Variants in ADGRL3 observed in about 807,000 individuals in gnomAD.
The protein encoded by ADGRL3 is calcium-independent alpha-latrotoxin receptor 3.
A neutral mutation model predicts 153.5 loss-of-function variants in ADGRL3; 62 were observed. The ratio of observed to expected loss-of-function variants is 0.40; its 90% CI spans 0.33 to 0.50. The LOEUF is 0.50. Ranked by LOEUF, ADGRL3 falls within the 20% of genes least tolerant of loss-of-function variation. ADGRL3 has a pLI of 0.47. For missense variants in ADGRL3, 1,641 were observed against 1,859.4 expected (o/e 0.88, Z 2.16); for synonymous variants, 710 against 672.5 (o/e 1.06, Z -0.86).
At chr4:61,351,762 A>T (rs2096056454) in intron 1 of ADGRL3, among the ~76,000 whole-genome samples, 1 of 152,122 alleles carries the variant, frequency 6.6e-6, no homozygotes, top group Non-Finnish European at 1.5e-5. Flanking sequence ...AAAGAAAAAG[A>T]AAAAGAAAAA....
intron 1 of ADGRL3, among the ~76,000 whole-genome samples, chr4:61,327,061 G>T (rs1363908728): frequency 1.3e-5 from 2 of 151,874 alleles, no homozygotes; most frequent in African/African-American, 4.8e-5. Flanking sequence ...GTGGTGTTCA[G>T]TCAACCAAAC....
At chr4:61,650,465 G>T (rs1200832189) in intron 5 of ADGRL3, among the ~76,000 whole-genome samples, 1 of 151,992 alleles carries the variant, frequency 6.6e-6, no homozygotes, top group African/African-American at 2.4e-5. Flanking sequence ...CTTGGCTGAG[G>T]TTTCTCCATA....
At chr4:61,539,223 T>A (rs2098675584) in intron 4 of ADGRL3, among the ~76,000 whole-genome samples, 1 of 152,188 alleles carries the variant, frequency 6.6e-6, no homozygotes, top group African/African-American at 2.4e-5. Flanking sequence ...TCAATAGGGG[T>A]GCAGCTGCCG....
chr4:61,372,228 C>T (rs1168385874), intron 1 of ADGRL3, among the ~76,000 whole-genome samples: 1 of 152,200 alleles, frequency 6.6e-6, no homozygotes, highest in Non-Finnish European at 1.5e-5. Flanking sequence ...CTTCTCTCAG[C>T]TCGTCAAAGT....
At chr4:61,409,307 A>G (rs943318225) in intron 2 of ADGRL3, among the ~76,000 whole-genome samples, 2 of 141,354 alleles carry the variant, frequency 1.4e-5, no homozygotes, top group Non-Finnish European at 3.1e-5. Flanking sequence ...CATCCATTAT[A>G]TATAATATAT....
chr4:61,442,422 G>A (rs188866804), intron 2 of ADGRL3, among the ~76,000 whole-genome samples: 2 of 152,110 alleles, frequency 1.3e-5, no homozygotes, highest in Non-Finnish European at 2.9e-5. Context: ...GGAGCCATTC[G>A]ATTATTGCAA....
Position 62,000,311 on chromosome 4 carries a change from A to G in ADGRL3, c.3395+2046A>G, listed in dbSNP as rs183136032. On this transcript the variant is annotated intron_variant, in intron 21 of 26. Transcript: ENST00000683033. ...TTTTTTGTCTAATTCAACAAAAGGT[A>G]AAGACTTTTGCTTACCTTTATGATT... Among the ~76,000 whole-genome samples the G allele has an allele frequency of 4.7e-4, 71 of 151,914 alleles. 1 individual carries two copies. Among genetic ancestry groups the G allele is most frequent in the South Asian group, 2.3e-3 (11 of 4,792 alleles).
chr4:61,576,776 C>T (rs573483688), intron 4 of ADGRL3, among the ~76,000 whole-genome samples: 3 of 151,318 alleles, frequency 2.0e-5, no homozygotes, highest in East Asian at 2.0e-4. Flanking sequence ...ACATGCACTC[C>T]GAAACTTTAG....
intron 5 of ADGRL3, among the ~76,000 whole-genome samples, chr4:61,606,708 C>T (rs1345474694): frequency 1.3e-5 from 2 of 151,976 alleles, no homozygotes; most frequent in African/African-American, 4.8e-5. Context: ...ACAATTTAGT[C>T]CATAATAATG....
intron 6 of ADGRL3, among the ~76,000 whole-genome samples, chr4:61,728,507 T>C (rs956898355): frequency 6.6e-6 from 1 of 152,118 alleles, no homozygotes; most frequent in Admixed American, 6.5e-5. Context: ...TGTCTTCTCA[T>C]TAAGTATTTG....
chr4:61,222,168 G>A (rs972657294), intron 1 of ADGRL3, among the ~76,000 whole-genome samples: 2 of 151,972 alleles, frequency 1.3e-5, no homozygotes, highest in African/African-American at 4.8e-5. Flanking sequence ...ATACTCTTGG[G>A]TAGTTTAATG....
rs372184268 is a variant in ADGRL3, at chr4:61,635,492, TTGAGGTATACCTCTCATGCATCC to T, written c.474-41333_474-41311del. 1.6e-4 allele frequency among the ~76,000 whole-genome samples: 25 copies of T among 151,780 alleles called. 1 individual carries two copies. Among genetic ancestry groups the T allele is most frequent in the African/African-American group, 6.0e-4 (25 of 41,358 alleles). On this transcript the variant is annotated intron_variant, in intron 5 of 26. Coordinates refer to ENST00000683033, the MANE Select transcript of ADGRL3 (RefSeq NM_001387552.1). ...TACCGTTGGGACAGGCAAAAGAGAGTTGAGGTATACCTCTCATGCATCCGAGGACAGCACACAAGAACTAAGAA... is the reference window on the plus strand; with the variant it reads ...TACCGTTGGGACAGGCAAAAGAGAGTGAGGACAGCACACAAGAACTAAGAA...
In ADGRL3 at chr4:62,070,369, A is replaced by T; in HGVS notation, c.4093A>T (p.Asn1365Tyr). The T allele has an allele frequency of 6.4e-7, 1 of 1,552,232 alleles. No homozygotes were observed. The highest frequency in any genetic ancestry group is 2.0e-5 in the Admixed American group (1 of 50,998). The change falls in exon 27 of 27, where the codon AAT (asparagine) becomes TAT (tyrosine). Residue 1365 changes from asparagine (N) to tyrosine (Y), a missense_variant. This residue lies in a region of ADGRL3 where 517 missense variants were observed against 555.0 expected (regional missense o/e 0.93). Transcript: ENST00000683033. ...QNRNLMNKLV[N>Y]NLGSGREDDA... Reference sequence around the variant, plus strand: ...CAGGAATCTGATGAACAAGCTGGTGAATAACCTTGGCAGTGGAAGGGAAGA... The same window carrying T: ...CAGGAATCTGATGAACAAGCTGGTGTATAACCTTGGCAGTGGAAGGGAAGA...
chr4:61,367,975 T>A (rs1210399448), intron 1 of ADGRL3, among the ~76,000 whole-genome samples: 1 of 151,562 alleles, frequency 6.6e-6, no homozygotes, highest in Non-Finnish European at 1.5e-5. Context: ...GATTTGCATT[T>A]CTCTGATGGC....
At chr4:61,973,296 G>A (rs993192382) in intron 17 of ADGRL3, among the ~76,000 whole-genome samples, 1 of 151,760 alleles carries the variant, frequency 6.6e-6, no homozygotes, top group Non-Finnish European at 1.5e-5. Context: ...GTATATTTGA[G>A]GGTTTTACAT....
At chr4:61,443,610 A>G (rs1386883934) in intron 2 of ADGRL3, among the ~76,000 whole-genome samples, 2 of 152,006 alleles carry the variant, frequency 1.3e-5, no homozygotes, top group East Asian at 3.9e-4. Context: ...TGTTATGTAT[A>G]CTTCATGTGT....
chr4:61,471,311 C>T (rs1228749444), intron 2 of ADGRL3, among the ~76,000 whole-genome samples: 1 of 150,882 alleles, frequency 6.6e-6, no homozygotes, highest in Non-Finnish European at 1.5e-5. Context: ...ATAGTAGTAT[C>T]CAATTGATCA....
At chr4:61,923,614 C>G (rs1269908918) in intron 13 of ADGRL3, among the ~76,000 whole-genome samples, 2 of 152,212 alleles carry the variant, frequency 1.3e-5, no homozygotes, top group Non-Finnish European at 1.5e-5. Flanking sequence ...TGGATTAATT[C>G]TAGATTTGTT....
intron 5 of ADGRL3, among the ~76,000 whole-genome samples, chr4:61,617,386 C>T (rs1373139074): frequency 1.3e-5 from 2 of 152,060 alleles, no homozygotes; most frequent in African/African-American, 4.8e-5. Flanking sequence ...ATTTTCTTCA[C>T]TGTACCTTTT....
Sources: gnomAD v4.1 joint callset for allele counts (sites outside exome capture counted in the v4.1 genomes callset) on GRCh38, gnomAD v4.1.1 for gene constraint, gnomAD v4.1.1 regional missense constraint, MANE v1.5 for transcripts, NCBI Gene and HGNC (gene_info 2026-07-23, HGNC 2026-07-21) for gene names.